The following FXYD3 variants were observed in gnomAD, a reference collection of about 807,000 sequenced individuals.
FXYD3 encodes FXYD domain-containing ion transport regulator 3.
Under a neutral mutation model 19.2 loss-of-function variants are expected in FXYD3, and 13 were observed. The observed-to-expected ratio is 0.68, with a 90% CI of 0.44 to 1.08. The LOEUF is 1.08. Among genes scored for constraint, FXYD3 ranks in the 50% least tolerant of loss-of-function variants. FXYD3 has a pLI of 0.00. For synonymous variants in FXYD3, 48 were observed against 38.9 expected (o/e 1.23, Z -0.87); for missense variants, 101 against 109.4 (o/e 0.92, Z 0.34).
intron 2 of FXYD3, chr19:35,116,890 G>A: frequency 1.0e-6 from 1 of 977,032 alleles, no homozygotes; most frequent in Non-Finnish European, 1.2e-6. Context: ...GAGCTGCTGG[G>A]GGAAGCTTTA....
At chr19:35,119,276 A>C (rs1156693731) in intron 2 of FXYD3, 87 bp from the exon 3 acceptor site, 3 of 1,608,758 alleles carry the variant, frequency 1.9e-6, no homozygotes, top group Non-Finnish European at 2.6e-6. Flanking sequence ...CTGCCTGGGG[A>C]GCAGGGGAGG....
Position 35,123,612 on chromosome 19 carries a change from CTT to C in FXYD3, c.*157_*158del, listed in dbSNP as rs756979211. 3 of 736,568 alleles carry C rather than the reference CTT, an allele frequency of 4.1e-6. No homozygotes were observed. The African/African-American group carries it at 5.3e-5, about 13-fold the overall frequency. The allele number at this position is 736,568 out of a possible 1,614,324, so 45.6% of individuals were successfully genotyped here. A position where few individuals can be genotyped will look rare whatever the true frequency, so the allele number is the denominator to read the frequency against. On this transcript the variant is annotated 3_prime_UTR_variant, in exon 9 of 9. Transcript: ENST00000604404. ...CATCTCACCTCTCGCAAGAGGGTCT[CTT>C]TGTTCAATTTTTTTTAATCTAAAAT...
chr19:35,123,063 C>T (rs539867505), intron 7 of FXYD3, 109 bp downstream of exon 7: 2 of 1,463,374 alleles, frequency 1.4e-6, no homozygotes, highest in South Asian at 1.4e-5. Flanking sequence ...CTTTAGAGTT[C>T]CTGCCGCTAA....
Position 35,123,535 on chromosome 19 carries a change from C to T in FXYD3, c.*78C>T, listed in dbSNP as rs1414583542. 1.6e-5 allele frequency: 24 copies of T among 1,498,866 alleles called. No homozygotes were observed. The highest frequency in any genetic ancestry group is 2.1e-5 in the Non-Finnish European group (23 of 1,077,368). 92.8% of individuals were successfully genotyped at this position (1,498,866 alleles called of 1,614,324 possible). On this transcript the variant is annotated 3_prime_UTR_variant, in exon 9 of 9. Transcript: ENST00000604404. ...CTGTCTCTGCACAGAAACTTGAACT[C>T]CAGGATGGAATTCTTCCTCCTCTGC...
Position 35,119,396 on chromosome 19 carries a change from G to C in FXYD3, c.20G>C (p.Gly7Ala). The change falls in exon 3 of 9, where the codon GGC (glycine) becomes GCC (alanine). Residue 7 changes from glycine (G) to alanine (A), a missense_variant. By Grantham distance (60) the Gly-to-Ala change is moderately conservative (BLOSUM62 0). Coordinates refer to ENST00000604404, the MANE Select transcript of FXYD3 (RefSeq NM_005971.4). MQKVTLGLLVFLAGFPV... is the reference protein window; with the variant it reads MQKVTLALLVFLAGFPV... ...TCTGACATGCAGAAGGTGACCCTGG[G>C]CCTGCTTGTGTTCCTGGCAGGTGAG... The C allele has an allele frequency of 6.2e-7, 1 of 1,614,134 alleles. No individual in the cohort carries two copies. Among genetic ancestry groups the C allele is most frequent in the Non-Finnish European group, 8.5e-7 (1 of 1,180,016 alleles).
chr19:35,118,517 G>C (rs545827494), intron 2 of FXYD3: 2 of 988,914 alleles, frequency 2.0e-6, no homozygotes, highest in Admixed American at 1.2e-4. Context: ...AGGAAGGAGA[G>C]AGAAACGAGT....
At chr19:35,116,904 G>A in intron 2 of FXYD3, 1 of 985,124 alleles carries the variant, frequency 1.0e-6, no homozygotes, top group African/African-American at 1.7e-5. Flanking sequence ...AGCTTTAAAT[G>A]GGGAGTTGCT....
rs375367332 is a variant in FXYD3 at position 35,121,366 on chromosome 19, G to T, written c.97+121G>T. The T allele has an allele frequency of 3.7e-6, 6 of 1,611,004 alleles. No individual in the cohort carries two copies. Among genetic ancestry groups the T allele is most frequent in the African/African-American group, 2.7e-5 (2 of 74,970 alleles). ...CAGGACAAAGATACGAAGGGACTAG[G>T]ATGGGGTTACTGAATATGCCACACA... On this transcript the variant is annotated intron_variant, in intron 5 of 8. Coordinates refer to ENST00000604404, the MANE Select transcript of FXYD3 (RefSeq NM_005971.4).
intron 2 of FXYD3, chr19:35,116,647 T>A (rs757438795): frequency 4.3e-5 from 42 of 985,024 alleles, no homozygotes; most frequent in Admixed American, 3.7e-4. Context: ...ATTAGGGATA[T>A]CTGGGTTGGG....
At position 35,121,259 on chromosome 19, in the gene FXYD3, C is replaced by T; in HGVS notation, c.97+14C>T. On this transcript the variant is annotated intron_variant, in intron 5 of 8. Transcript: ENST00000604404. ...CTTTCTACTATGGTGAGAGCCCGTG[C>T]CCCCTTTCCCCTCCCCACAACCCCA... The T allele has an allele frequency of 1.9e-6, 3 of 1,613,804 alleles. No individual in the cohort carries two copies. Among genetic ancestry groups the T allele is most frequent in the South Asian group, 2.2e-5 (2 of 91,080 alleles).
intron 6 of FXYD3, 29 bp downstream of exon 6, chr19:35,122,868 G>A (rs747814213): frequency 1.1e-5 from 18 of 1,613,746 alleles, no homozygotes; most frequent in South Asian, 5.5e-5. Flanking sequence ...GGGAGCAGGC[G>A]GGCCGGGGCT....
intron 2 of FXYD3, chr19:35,117,392 G>T: frequency 6.8e-7 from 1 of 1,468,378 alleles, no homozygotes. Flanking sequence ...AGACTCAACA[G>T]CCATGGCGAC....
chr19:35,123,183 G>A (rs2065087332), intron 7 of FXYD3, 88 bp from the exon 8 acceptor site: 2 of 1,514,176 alleles, frequency 1.3e-6, no homozygotes, highest in Non-Finnish European at 1.8e-6. Flanking sequence ...CAGCCAGGAA[G>A]ACATGTCTGG....
rs951432608 is a variant in FXYD3 at position 35,124,166 on chromosome 19, C to T, written c.*709C>T. 1.3e-5 allele frequency: 2 copies of T among 152,886 alleles called. No homozygotes were observed. The highest frequency in any genetic ancestry group is 4.8e-5 in the African/African-American group (2 of 41,430). The allele number at this position is 152,886 out of a possible 1,614,324, so 9.5% of individuals were successfully genotyped here. ...GAGAACTTCCAACAAGCCTCAAAGTCCCTTGAGACTCCCCAATACCTAATA... is the reference window on the plus strand; with the variant it reads ...GAGAACTTCCAACAAGCCTCAAAGTTCCTTGAGACTCCCCAATACCTAATA... On this transcript the variant is annotated 3_prime_UTR_variant, in exon 9 of 9. Transcript: ENST00000604404.
At chr19:35,123,026 C>T in intron 7 of FXYD3, 72 bp downstream of exon 7, 2 of 1,509,002 alleles carry the variant, frequency 1.3e-6, no homozygotes, top group South Asian at 2.7e-5. Flanking sequence ...CTAACTCTCC[C>T]AGCAGGAGAG....
chr19:35,119,491 G>C (rs1032630967), intron 3 of FXYD3, 75 bp downstream of exon 3: 3 of 1,365,776 alleles, frequency 2.2e-6, no homozygotes, highest in Non-Finnish European at 3.1e-6. Flanking sequence ...TCTCTCTCCT[G>C]TGCTTTTCTA....
intron 2 of FXYD3, 68 bp from the exon 3 acceptor site, chr19:35,119,295 G>T (rs2064978648): frequency 6.2e-7 from 1 of 1,608,998 alleles, no homozygotes; most frequent in African/African-American, 1.3e-5. Flanking sequence ...GGAGGGTTGG[G>T]GAGCCACAGG....
chr19:35,123,499 G>C lies in FXYD3; in HGVS notation c.*42G>C. 1 of 1,608,364 alleles carries C rather than the reference G, an allele frequency of 6.2e-7. No homozygotes were observed. The highest frequency in any genetic ancestry group is 8.5e-7 in the Non-Finnish European group (1 of 1,174,896). The stretch of plus-strand genomic sequence containing the variant: ...GAAATTGGGTGGAGGACCGTTCTCT[G>C]TCCCCAGGTCCTGTCTCTGCACAGA... On this transcript the variant is annotated 3_prime_UTR_variant, in exon 9 of 9. Transcript: ENST00000604404.
At position 35,121,220 on chromosome 19, in the gene FXYD3, A is replaced by T. The variant is rs2065035869; in HGVS notation, c.74-2A>T. ...TTCATGATCTTTTTTCTTTCCTTGC[A>T]GATAAAAACAGTCCTTTCTACTATG... On this transcript the variant is annotated splice_acceptor_variant, in intron 4 of 8. Coordinates refer to ENST00000604404, the MANE Select transcript of FXYD3 (RefSeq NM_005971.4). LOFTEE classifies it high-confidence loss of function. The T allele has an allele frequency of 6.2e-7, 1 of 1,613,866 alleles. No individual in the cohort carries two copies. Among genetic ancestry groups the T allele is most frequent in the Non-Finnish European group, 8.5e-7 (1 of 1,179,926 alleles).
Sources: gnomAD v4.1 joint callset for allele counts on GRCh38, gnomAD v4.1.1 for gene constraint, MANE v1.5 for transcripts, NCBI Gene and HGNC (gene_info 2026-07-23, HGNC 2026-07-21) for gene names.